Variants in SLC4A10 observed in about 807,000 individuals in gnomAD.
SLC4A10 encodes solute carrier family 4 member 10, also known as sodium-driven chloride bicarbonate exchanger.
A neutral mutation model predicts 137.7 loss-of-function variants in SLC4A10; 42 were observed. That is an observed-to-expected ratio of 0.30 (90% CI 0.24 to 0.39). The LOEUF is 0.39. Ranked by LOEUF, SLC4A10 falls within the 10% of genes least tolerant of loss-of-function variation. The pLI is 1.00. For synonymous variants in SLC4A10, 474 were observed against 464.1 expected, an observed-to-expected ratio of 1.02 and a Z score of -0.27; for missense variants, 925 against 1,355.0, an observed-to-expected ratio of 0.68 and a Z score of 4.98.
At chr2:161,784,095 A>G (rs995113749) in intron 2 of SLC4A10, among the ~76,000 whole-genome samples, 2 of 151,866 alleles carry the variant, frequency 1.3e-5, no homozygotes, top group African/African-American at 4.8e-5. Context: ...CTATACTTAT[A>G]TCAGATAAAA....
intron 1 of SLC4A10, among the ~76,000 whole-genome samples, chr2:161,708,392 C>T (rs2043917486): frequency 6.6e-6 from 1 of 151,498 alleles, no homozygotes; most frequent in South Asian, 2.1e-4. Context: ...TGGAAAACTG[C>T]TTATTTTTAA....
chr2:161,633,610 C>T (rs1007130349), intron 1 of SLC4A10, among the ~76,000 whole-genome samples: 2 of 151,686 alleles, frequency 1.3e-5, no homozygotes, highest in Non-Finnish European at 1.5e-5. Flanking sequence ...ATCATTTAGA[C>T]TAATGACTCA....
intron 1 of SLC4A10, among the ~76,000 whole-genome samples, chr2:161,712,048 TC>T (rs1332113884): frequency 1.3e-5 from 2 of 151,864 alleles, no homozygotes; most frequent in African/African-American, 4.8e-5. Context: ...TTGTTCCCTC[TC>T]CCTTAATCTC....
At chr2:161,850,581 GTTTATC>G (rs1419161527) in intron 4 of SLC4A10, among the ~76,000 whole-genome samples, 1 of 151,840 alleles carries the variant, frequency 6.6e-6, no homozygotes, top group African/African-American at 2.4e-5. Flanking sequence ...TTCTGATTGT[GTTTATC>G]TTTATCTTCT....
intron 3 of SLC4A10, among the ~76,000 whole-genome samples, chr2:161,817,924 G>A (rs1354729063): frequency 3.3e-5 from 5 of 151,632 alleles, no homozygotes; most frequent in Non-Finnish European, 7.4e-5. Flanking sequence ...GATGCCTCCA[G>A]CTTTGTTCTT....
chr2:161,859,324 C>G (rs1008607489), intron 5 of SLC4A10, among the ~76,000 whole-genome samples: 2 of 131,842 alleles, frequency 1.5e-5, no homozygotes, highest in African/African-American at 5.3e-5. Flanking sequence ...CGAAGTCTCG[C>G]TCTGTCGCCA....
intron 9 of SLC4A10, among the ~76,000 whole-genome samples, chr2:161,880,488 T>C (rs895731108): frequency 2.0e-5 from 3 of 152,082 alleles, no homozygotes; most frequent in South Asian, 2.1e-4. Flanking sequence ...TATGTCTGAC[T>C]ATGGTTTGGG....
At chr2:161,928,649 CAAAAAA>C (rs34327479) in intron 15 of SLC4A10, among the ~76,000 whole-genome samples, 10 of 99,324 alleles carry the variant, frequency 1.0e-4, no homozygotes, top group Non-Finnish European at 1.8e-4. Flanking sequence ...TCCTTGAAAG[CAAAAAA>C]AAAAAAAAAA....
intron 1 of SLC4A10, among the ~76,000 whole-genome samples, chr2:161,641,120 A>G (rs1257401224): frequency 6.6e-6 from 1 of 152,156 alleles, no homozygotes; most frequent in Non-Finnish European, 1.5e-5. Context: ...TTTTAAGAGC[A>G]AAGTTGAAAG....
intron 11 of SLC4A10, among the ~76,000 whole-genome samples, chr2:161,896,385 T>G (rs1475869030): frequency 1.3e-5 from 2 of 152,088 alleles, no homozygotes; most frequent in Admixed American, 1.3e-4. Flanking sequence ...TAGGATTGAC[T>G]TGGTGATGCA....
chr2:161,784,049 T>G (rs1343607522), intron 2 of SLC4A10, among the ~76,000 whole-genome samples: 1 of 151,624 alleles, frequency 6.6e-6, no homozygotes, highest in East Asian at 1.9e-4. Context: ...AAAAAAAAAT[T>G]CCACGAAAAT....
chr2:161,848,494 G>T (rs149537246), intron 4 of SLC4A10, among the ~76,000 whole-genome samples: 1 of 152,034 alleles, frequency 6.6e-6, no homozygotes, highest in African/African-American at 2.4e-5. Flanking sequence ...TTTTCTTCTA[G>T]AGTTTTTATA....
chr2:161,843,431 T>C (rs1008079119), intron 4 of SLC4A10, among the ~76,000 whole-genome samples: 1 of 152,180 alleles, frequency 6.6e-6, no homozygotes, highest in South Asian at 2.1e-4. Flanking sequence ...GGACCTATGT[T>C]TGTAGCCAAG....
chr2:161,873,765 T>C (rs2061291794), intron 7 of SLC4A10, 151 bp from the exon 8 acceptor site: 2 of 667,072 alleles, frequency 3.0e-6, no homozygotes, highest in African/African-American at 1.8e-5. Context: ...AAAAGATTAA[T>C]AGTGATCAGC....
rs74528456 is a variant in SLC4A10, at chr2:161,637,601, A to G, written c.48+13035A>G. 3.6e-3 allele frequency among the ~76,000 whole-genome samples: 552 copies of G among 152,286 alleles called. 3 individuals carry two copies. The highest frequency in any genetic ancestry group is 0.012 in the African/African-American group (517 of 41,568). ...ATAGTGTTGGTGTAAACATGGGAGT[A>G]CAAATATCTCTTCAACATATGGATT... On this transcript the variant is annotated intron_variant, in intron 1 of 26. Transcript: ENST00000446997.
chr2:161,675,611 T>G (rs1406271939), intron 1 of SLC4A10, among the ~76,000 whole-genome samples: 2 of 152,172 alleles, frequency 1.3e-5, no homozygotes, highest in African/African-American at 2.4e-5. Context: ...TTTTTACTCA[T>G]GCTGTAAAAT....
intron 1 of SLC4A10, among the ~76,000 whole-genome samples, chr2:161,651,934 C>A (rs549276096): frequency 2.6e-5 from 4 of 152,356 alleles, no homozygotes; most frequent in Admixed American, 2.0e-4. Context: ...GAAGGCGCCG[C>A]TGGCCACAGA....
Position 161,903,338 on chromosome 2 carries a change from T to C in SLC4A10, c.1443-666T>C, listed in dbSNP as rs78816592. Among the ~76,000 whole-genome samples the C allele has an allele frequency of 3.6e-3, 548 of 152,296 alleles. 25 individuals are homozygous for C. The East Asian group carries it at 0.094, about 26-fold the overall frequency. ...TGGATCAAAATTACATTTATCTAGT[T>C]TTATTATTATAAGGACTCCCTCCTA... On this transcript the variant is annotated intron_variant, in intron 12 of 26. Transcript: ENST00000446997.
chr2:161,768,614 GA>G (rs1285272658), intron 1 of SLC4A10, among the ~76,000 whole-genome samples: 1 of 151,942 alleles, frequency 6.6e-6, no homozygotes, highest in East Asian at 1.9e-4. Flanking sequence ...TACTGACCTA[GA>G]ACCTGACCTT....
Sources: gnomAD v4.1 joint callset for allele counts (sites outside exome capture counted in the v4.1 genomes callset) on GRCh38, gnomAD v4.1.1 for gene constraint, MANE v1.5 for transcripts, NCBI Gene and HGNC (gene_info 2026-07-23, HGNC 2026-07-21) for gene names.